Variants in MPP7 observed in about 807,000 individuals in gnomAD.
MPP7 encodes MAGUK p55 scaffold protein 7.
In MPP7, 60 loss-of-function variants were observed where a neutral mutation model predicts 76.5. That is an observed-to-expected ratio of 0.78 (90% CI 0.64 to 0.97). The LOEUF (loss-of-function observed/expected upper bound fraction) is 0.97. MPP7 is among the 50% of genes least tolerant of loss of function. The pLI, the probability that MPP7 is intolerant of heterozygous loss-of-function variation, is 0.00. For missense variants in MPP7, 641 were observed against 694.0 expected (o/e 0.92, Z 0.86); for synonymous variants, 237 against 244.5 (o/e 0.97, Z 0.29).
chr10:28,165,981 C>T (rs990768222), intron 3 of MPP7, among the ~76,000 whole-genome samples: 27 of 148,938 alleles, frequency 1.8e-4, no homozygotes, highest in African/African-American at 2.7e-4. Context: ...GCCAAGATCG[C>T]GCCACTGCAC....
At chr10:28,128,424 T>G (rs1835087408) in intron 6 of MPP7, among the ~76,000 whole-genome samples, 1 of 152,204 alleles carries the variant, frequency 6.6e-6, no homozygotes, top group Non-Finnish European at 1.5e-5. Context: ...TGGCACATTT[T>G]GGATTTCAGA....
intron 5 of MPP7, among the ~76,000 whole-genome samples, chr10:28,132,710 G>A (rs889340733): frequency 3.3e-5 from 5 of 151,792 alleles, no homozygotes; most frequent in African/African-American, 1.2e-4. Flanking sequence ...AGCAATTCTC[G>A]GCCTCAGCCT....
intron 3 of MPP7, among the ~76,000 whole-genome samples, chr10:28,177,771 A>G (rs893856349): frequency 1.3e-5 from 2 of 152,238 alleles, no homozygotes; most frequent in Non-Finnish European, 2.9e-5. Flanking sequence ...GCCACCGCAT[A>G]GAACCAGACA....
At chr10:28,153,508 T>C (rs1835951746) in intron 3 of MPP7, among the ~76,000 whole-genome samples, 1 of 152,206 alleles carries the variant, frequency 6.6e-6, no homozygotes, top group South Asian at 2.1e-4. Context: ...TTATGCTCTA[T>C]GTATATGTCC....
chr10:28,193,465 C>G (rs1268806895), intron 3 of MPP7, among the ~76,000 whole-genome samples: 1 of 152,138 alleles, frequency 6.6e-6, no homozygotes, highest in Non-Finnish European at 1.5e-5. Context: ...CCCGCCTCGG[C>G]CTCCCAAAGT....
At chr10:28,330,866 G>T (rs962370952) in intron 1 of MPP7, among the ~76,000 whole-genome samples, 6 of 151,966 alleles carry the variant, frequency 3.9e-5, no homozygotes, top group South Asian at 2.1e-4. Flanking sequence ...TCCCCATGTT[G>T]CCCAGACTAG....
At chr10:28,298,586 C>T (rs4604776) in intron 1 of MPP7, among the ~76,000 whole-genome samples, 17,966 of 152,168 alleles carry the variant, frequency 0.12, 1,692 homozygotes, top group East Asian at 0.48. Context: ...TTTTGCATGA[C>T]GCTTAACAAT....
At chr10:28,131,766 CAAACACATCA>C in intron 5 of MPP7, 75 bp from the exon 6 acceptor site, 1 of 710,042 alleles carries the variant, frequency 1.4e-6, no homozygotes, top group South Asian at 4.7e-5. Flanking sequence ...TATAAAATTT[CAAACACATCA>C]AACTATAAGG....
At chr10:28,188,070 A>G (rs2133935036) in intron 3 of MPP7, among the ~76,000 whole-genome samples, 1 of 152,318 alleles carries the variant, frequency 6.6e-6, no homozygotes, top group Non-Finnish European at 1.5e-5. Flanking sequence ...GGATTTATTT[A>G]GACTCAAGAT....
chr10:28,165,145 G>T (rs887563982), intron 3 of MPP7, among the ~76,000 whole-genome samples: 1 of 152,050 alleles, frequency 6.6e-6, no homozygotes, highest in South Asian at 2.1e-4. Context: ...CTGGGTAATG[G>T]CCCCCAAAGA....
chr10:28,109,864 A>AAAAAAAAAAAAAAAAAAAAAAT (rs1564634816), intron 11 of MPP7, among the ~76,000 whole-genome samples: 1 of 149,590 alleles, frequency 6.7e-6, no homozygotes, highest in African/African-American at 2.5e-5. Context: ...AAAAAAAAAA[A>AAAAAAAAAAAAAAAAAAAAAAT]AAAAAAAAAC....
In MPP7 at chr10:28,051,832, G is replaced by C. The variant is rs1355499510; in HGVS notation, c.*2233C>G. ...TTTGGGAGGCCAAGGCAGGAGGATT[G>C]CTTGAGCCCAGGAGTTCAAGACCAG... On this transcript the variant is annotated 3_prime_UTR_variant, in exon 17 of 17. Coordinates refer to ENST00000683449, the MANE Select transcript of MPP7 (RefSeq NM_001318170.2). 6.6e-6 allele frequency: 1 copy of C among 151,070 alleles called. No homozygotes were observed. The highest frequency in any genetic ancestry group is 6.6e-5 in the Admixed American group (1 of 15,096). 9.4% of individuals were successfully genotyped at this position (151,070 alleles called of 1,614,324 possible). A position where few individuals can be genotyped will look rare whatever the true frequency, so the allele number is the denominator to read the frequency against.
At chr10:28,173,304 C>T (rs974147940) in intron 3 of MPP7, among the ~76,000 whole-genome samples, 30 of 151,616 alleles carry the variant, frequency 2.0e-4, no homozygotes, top group African/African-American at 6.8e-4. Context: ...ACCATTACTA[C>T]GGATTATCCA....
intron 1 of MPP7, among the ~76,000 whole-genome samples, chr10:28,280,326 T>G (rs1021697058): frequency 1.3e-5 from 2 of 152,060 alleles, no homozygotes; most frequent in Non-Finnish European, 2.9e-5. Context: ...AAATAACCTG[T>G]GCATATCCTC....
chr10:28,077,326 T>C (rs1852542509), intron 12 of MPP7, among the ~76,000 whole-genome samples: 2 of 152,312 alleles, frequency 1.3e-5, no homozygotes, highest in African/African-American at 4.8e-5. Context: ...AATTAGGTTA[T>C]TCTAGGTCAT....
At chr10:28,066,570 G>A (rs1223262172) in intron 13 of MPP7, among the ~76,000 whole-genome samples, 4 of 152,044 alleles carry the variant, frequency 2.6e-5, no homozygotes, top group Admixed American at 2.6e-4. Flanking sequence ...TAAAGCCTGA[G>A]TATTATACAA....
chr10:28,167,047 A>G (rs1836488449), intron 3 of MPP7, among the ~76,000 whole-genome samples: 1 of 152,140 alleles, frequency 6.6e-6, no homozygotes, highest in Admixed American at 6.5e-5. Context: ...ATGGTAGCTC[A>G]TGCCTGTAAT....
intron 2 of MPP7, among the ~76,000 whole-genome samples, chr10:28,237,828 T>C (rs1039997633): frequency 6.6e-6 from 1 of 152,208 alleles, no homozygotes; most frequent in African/African-American, 2.4e-5. Context: ...TTTGTTTTAG[T>C]AGTTCTTAGA....
intron 1 of MPP7, among the ~76,000 whole-genome samples, chr10:28,251,689 T>G (rs1022210492): frequency 2.0e-5 from 3 of 152,114 alleles, no homozygotes; most frequent in Non-Finnish European, 2.9e-5. Flanking sequence ...AACACAGAAC[T>G]GATGCAGGCA....
Sources: allele counts gnomAD v4.1 joint callset (sites outside exome capture counted in the v4.1 genomes callset), GRCh38; gene constraint gnomAD v4.1.1; transcripts MANE v1.5; gene names NCBI Gene and HGNC (gene_info 2026-07-23, HGNC 2026-07-21).